Variants in NRXN3 observed in about 807,000 individuals in gnomAD.
The protein encoded by NRXN3 is neurexin III.
In NRXN3, 32 loss-of-function variants were observed where a neutral mutation model predicts 137.6. The ratio of observed to expected loss-of-function variants is 0.23; its 90% CI spans 0.18 to 0.31. The LOEUF (loss-of-function observed/expected upper bound fraction) is 0.31, where lower values mean the gene tolerates loss of function less well. Ranked by LOEUF, NRXN3 falls within the 10% of genes least tolerant of loss-of-function variation. The probability of loss-of-function intolerance (pLI) is 1.00; values close to 1 mark genes in which losing one functional copy is unlikely to be tolerated. For missense variants in NRXN3, 1,574 were observed against 2,062.5 expected (o/e 0.76, Z 4.59); for synonymous variants, 798 against 784.5 (o/e 1.02, Z -0.29).
intron 16 of NRXN3, among the ~76,000 whole-genome samples, chr14:79,608,513 G>T (rs1244882660): frequency 6.6e-6 from 1 of 152,182 alleles, no homozygotes; most frequent in Admixed American, 6.5e-5. Flanking sequence ...TTCTCCTGCT[G>T]CCCCTCAGTT....
In NRXN3 at chr14:79,714,032, A is replaced by G. The variant is rs185487458; in HGVS notation, c.4014+16095A>G. Among the ~76,000 whole-genome samples the G allele has an allele frequency of 8.5e-4, 129 of 152,276 alleles. 1 individual carries two copies. The highest frequency in any genetic ancestry group is 3.1e-3 in the African/African-American group (128 of 41,540). On this transcript the variant is annotated intron_variant, in intron 19 of 20. Transcript: ENST00000335750. ...TGGCTCCCAGCTTTATCACCATAAT[A>G]TATTTATTTACTTTACCTTACATGT...
intron 15 of NRXN3, among the ~76,000 whole-genome samples, chr14:79,006,007 T>G (rs571686397): frequency 6.6e-6 from 1 of 152,170 alleles, no homozygotes; most frequent in Admixed American, 6.5e-5. Flanking sequence ...ATTTTTATAT[T>G]CCCGGTCTCT....
At chr14:78,681,836 A>T (rs1289495360) in intron 6 of NRXN3, among the ~76,000 whole-genome samples, 1 of 152,062 alleles carries the variant, frequency 6.6e-6, no homozygotes, top group Admixed American at 6.5e-5. Flanking sequence ...TCTTTTCCTC[A>T]TTGCGTGATT....
intron 15 of NRXN3, among the ~76,000 whole-genome samples, chr14:79,253,541 T>A (rs1341270170): frequency 6.6e-6 from 1 of 152,230 alleles, no homozygotes; most frequent in East Asian, 1.9e-4. Context: ...CTACTCTTAT[T>A]CTTCTTATAC....
At chr14:79,122,220 G>A (rs2152925298) in intron 15 of NRXN3, among the ~76,000 whole-genome samples, 1 of 152,290 alleles carries the variant, frequency 6.6e-6, no homozygotes, top group Admixed American at 6.5e-5. Context: ...AGGGGCTTGG[G>A]GCACTGGTTA....
At chr14:78,960,956 G>A (rs76297218) in intron 11 of NRXN3, among the ~76,000 whole-genome samples, 11,818 of 151,520 alleles carry the variant, frequency 0.078, 723 homozygotes, top group Admixed American at 0.1. Context: ...CTTATTAGGA[G>A]ACTTTAATAA....
Position 79,067,206 on chromosome 14 carries a change from G to T in NRXN3, c.3262+79065G>T, listed in dbSNP as rs762065148. On this transcript the variant is annotated intron_variant, in intron 15 of 20. Coordinates refer to ENST00000335750, the MANE Select transcript of NRXN3 (RefSeq NM_001330195.2). ...GTTGAATTTTTTGAAGTACTTTTCT[G>T]CATCTATTGAGATAATCATGTGATT... Among the ~76,000 whole-genome samples, 101 of 152,038 alleles carry T rather than the reference G, an allele frequency of 6.6e-4. 1 individual carries two copies. The highest frequency in any genetic ancestry group is 1.1e-3 in the Non-Finnish European group (75 of 67,982).
chr14:78,833,405 G>A lies in NRXN3; in HGVS notation c.2275+23061G>A, dbSNP rs113303470. ...CAGTCTCCTGTTGTCATCTCTAGGGGAATTGCAGTGTGTCCATCCACCCTT... is the reference window on the plus strand; with the variant it reads ...CAGTCTCCTGTTGTCATCTCTAGGGAAATTGCAGTGTGTCCATCCACCCTT... On this transcript the variant is annotated intron_variant, in intron 10 of 20. Transcript: ENST00000335750. Among the ~76,000 whole-genome samples, 601 of 152,244 alleles carry A rather than the reference G, an allele frequency of 3.9e-3. 5 individuals carry two copies. Among genetic ancestry groups the A allele is most frequent in the African/African-American group, 0.014 (576 of 41,548 alleles).
intron 10 of NRXN3, among the ~76,000 whole-genome samples, chr14:78,887,696 C>T (rs1449602005): frequency 6.6e-6 from 1 of 152,074 alleles, no homozygotes; most frequent in Non-Finnish European, 1.5e-5. Context: ...CCAAGGTTTG[C>T]TGCCAACTTC....
At position 78,650,144 on chromosome 14, in the gene NRXN3, C is replaced by T. The variant is rs764974083; in HGVS notation, c.1060-1021C>T. Among the ~76,000 whole-genome samples, 3 of 151,936 alleles carry T rather than the reference C, an allele frequency of 2.0e-5. No individual in the cohort carries two copies. The South Asian group carries it at 6.2e-4, about 32-fold the overall frequency. On this transcript the variant is annotated intron_variant, in intron 5 of 20. Transcript: ENST00000335750. ...AGGTGGCAGGCAGAGAAAAGACTACCTTTTAGTTTTGAATGCTTTTTTTTC... is the reference window on the plus strand; with the variant it reads ...AGGTGGCAGGCAGAGAAAAGACTACTTTTTAGTTTTGAATGCTTTTTTTTC...
Position 78,261,404 on chromosome 14 carries a change from T to C in NRXN3, c.710-17241T>C, listed in dbSNP as rs187603856. Among the ~76,000 whole-genome samples the C allele has an allele frequency of 3.3e-5, 5 of 152,316 alleles. No homozygotes were observed. In the East Asian group the frequency reaches 9.6e-4, roughly 29 times the overall value. On this transcript the variant is annotated intron_variant, in intron 2 of 20. Transcript: ENST00000335750. ...TATTCTGTTGTCTTATTCCATCTCA[T>C]TGGCCATCATTGAGATGGATCTAGA...
At chr14:79,653,505 TACCAG>T (rs1303858162) in intron 16 of NRXN3, among the ~76,000 whole-genome samples, 2 of 152,162 alleles carry the variant, frequency 1.3e-5, no homozygotes, top group Non-Finnish European at 2.9e-5. Context: ...TCTCCTCCAT[TACCAG>T]ACTATTCCTA....
chr14:78,787,914 C>T (rs904313768), intron 8 of NRXN3, among the ~76,000 whole-genome samples: 1 of 151,950 alleles, frequency 6.6e-6, no homozygotes, highest in African/African-American at 2.4e-5. Context: ...AGCAGAACGT[C>T]GCCCTTATTT....
intron 15 of NRXN3, among the ~76,000 whole-genome samples, chr14:79,227,407 G>A (rs2071137457): frequency 6.6e-6 from 1 of 151,974 alleles, no homozygotes; most frequent in African/African-American, 2.4e-5. Context: ...ACCTTGTCAT[G>A]TGTACACTTT....
chr14:79,443,111 C>T (rs890612568), intron 15 of NRXN3, among the ~76,000 whole-genome samples: 2 of 152,220 alleles, frequency 1.3e-5, no homozygotes, highest in Admixed American at 6.5e-5. Flanking sequence ...ATCTTCTATA[C>T]AGCTACAGTA....
chr14:79,238,892 A>G (rs962035720), intron 15 of NRXN3, among the ~76,000 whole-genome samples: 2 of 152,084 alleles, frequency 1.3e-5, no homozygotes, highest in African/African-American at 4.8e-5. Flanking sequence ...TTTGGGACCA[A>G]TTTCAAAGTT....
At chr14:79,091,752 T>G (rs1025128330) in intron 15 of NRXN3, among the ~76,000 whole-genome samples, 67 of 152,224 alleles carry the variant, frequency 4.4e-4, no homozygotes, top group Admixed American at 7.9e-4. Context: ...CTGCCCATAC[T>G]TTTGCAATCA....
Position 79,092,986 on chromosome 14 carries a change from A to G in NRXN3, c.3262+104845A>G, listed in dbSNP as rs754125766. On this transcript the variant is annotated intron_variant, in intron 15 of 20. Coordinates refer to ENST00000335750, the MANE Select transcript of NRXN3 (RefSeq NM_001330195.2). ...GTTATGAGTGTGTCCAGAGAACCAG[A>G]GTATGTCATCTGGATTCACTCACTC... Among the ~76,000 whole-genome samples the G allele has an allele frequency of 5.6e-4, 86 of 152,302 alleles. 1 individual carries two copies. The highest frequency in any genetic ancestry group is 2.0e-3 in the Admixed American group (30 of 15,286).
intron 15 of NRXN3, among the ~76,000 whole-genome samples, chr14:79,269,907 C>T (rs2079049384): frequency 6.6e-6 from 1 of 152,168 alleles, no homozygotes; most frequent in South Asian, 2.1e-4. Context: ...TACAACAATA[C>T]TGCTTAGTCT....
Sources: allele counts gnomAD v4.1 joint callset (sites outside exome capture counted in the v4.1 genomes callset), GRCh38; gene constraint gnomAD v4.1.1; transcripts MANE v1.5; gene names NCBI Gene and HGNC (gene_info 2026-07-23, HGNC 2026-07-21).